SLC9C2: variants seen among roughly 807,000 people sequenced by gnomAD.
SLC9C2 encodes sodium/hydrogen exchanger 11.
SLC9C2 carries 75 observed loss-of-function variants against 140.2 expected under a neutral mutation model. The ratio of observed to expected loss-of-function variants is 0.53; its 90% CI spans 0.44 to 0.65. The LOEUF is 0.65. Ranked by LOEUF, SLC9C2 falls within the 30% of genes least tolerant of loss-of-function variation. The probability of loss-of-function intolerance (pLI) is 0.00; values close to 1 mark genes in which losing one functional copy is unlikely to be tolerated. For synonymous variants in SLC9C2, 375 were observed against 420.9 expected (o/e 0.89, Z 1.34); for missense variants, 1,074 against 1,331.8 (o/e 0.81, Z 3.01).
chr1:173,530,841 GA>G (rs1359899213), intron 17 of SLC9C2, among the ~76,000 whole-genome samples: 2 of 152,208 alleles, frequency 1.3e-5, no homozygotes, highest in African/African-American at 2.4e-5. Context: ...CAAGGGAGAA[GA>G]AAAAAGTGAA....
chr1:173,505,351 A>G lies in SLC9C2; in HGVS notation c.3226-20T>C. On this transcript the variant is annotated intron_variant, in intron 25 of 27. Transcript: ENST00000367714. ...CTGAACCTAGAGGAGAAAAGTCAAA[A>G]TTAGTCAAAAGAGCATTCTTTGATC... 1 of 1,596,248 alleles carries G rather than the reference A, an allele frequency of 6.3e-7. No individual in the cohort carries two copies. The highest frequency in any genetic ancestry group is 8.6e-7 in the Non-Finnish European group (1 of 1,164,120).
intron 4 of SLC9C2, among the ~76,000 whole-genome samples, chr1:173,588,508 T>C (rs1046590440): frequency 2.0e-5 from 3 of 152,224 alleles, no homozygotes; most frequent in Non-Finnish European, 4.4e-5. Flanking sequence ...TCCTTTTATT[T>C]CTTTATCTAT....
rs1034111601 is a variant in SLC9C2 at position 173,509,504 on chromosome 1, G to T, written c.3039+64C>A. On this transcript the variant is annotated intron_variant, in intron 24 of 27. Coordinates refer to ENST00000367714, the MANE Select transcript of SLC9C2 (RefSeq NM_178527.4). ...TATTTTTGTCTCAAAAATATGAAAT[G>T]CATTTTGTAAAAAATACAATGCATA... The T allele has an allele frequency of 9.7e-6, 13 of 1,345,174 alleles. No homozygotes were observed. The Admixed American group carries it at 2.8e-4, about 29-fold the overall frequency. The allele number at this position is 1,345,174 out of a possible 1,614,324, so 83.3% of individuals were successfully genotyped here. A position where few individuals can be genotyped will look rare whatever the true frequency, so the allele number is the denominator to read the frequency against.
At chr1:173,572,421 CAA>C (rs3052188) in intron 9 of SLC9C2, among the ~76,000 whole-genome samples, 61,680 of 151,738 alleles carry the variant, frequency 0.41, 15,476 homozygotes, top group African/African-American at 0.69. Context: ...TTAGCAGACT[CAA>C]GTTTCCATGG....
intron 27 of SLC9C2, among the ~76,000 whole-genome samples, chr1:173,502,154 T>C (rs949930963): frequency 2.7e-5 from 4 of 150,530 alleles, no homozygotes; most frequent in Non-Finnish European, 5.9e-5. Flanking sequence ...GTGCCTGTAG[T>C]CCCAGCTACT....
intron 6 of SLC9C2, 80 bp downstream of exon 6, chr1:173,583,426 A>G: frequency 1.2e-6 from 1 of 810,938 alleles, no homozygotes; most frequent in African/African-American, 1.8e-5. Flanking sequence ...TAGAGAAGGC[A>G]GCAAAGTTAA....
chr1:173,586,012 CT>C (rs1458686692), intron 5 of SLC9C2, among the ~76,000 whole-genome samples: 1 of 151,630 alleles, frequency 6.6e-6, no homozygotes, highest in African/African-American at 2.4e-5. Flanking sequence ...TACTGTACTC[CT>C]TTTTTTGAAA....
chr1:173,600,656 G>A (rs1666726416), intron 2 of SLC9C2, among the ~76,000 whole-genome samples: 1 of 152,066 alleles, frequency 6.6e-6, no homozygotes, highest in Admixed American at 6.5e-5. Flanking sequence ...TAGTCAAGGA[G>A]CATCTGTACT....
chr1:173,549,165 C>T (rs1376970061), intron 11 of SLC9C2, among the ~76,000 whole-genome samples: 1 of 152,164 alleles, frequency 6.6e-6, no homozygotes, highest in African/African-American at 2.4e-5. Flanking sequence ...TACTTACTCA[C>T]AATTCCATCT....
chr1:173,534,604 C>A lies in SLC9C2; in HGVS notation c.1854G>T (p.Leu618Phe). The A allele has an allele frequency of 6.3e-7, 1 of 1,586,450 alleles. No homozygotes were observed. The highest frequency in any genetic ancestry group is 1.2e-5 in the South Asian group (1 of 85,794). Residue 618 changes from leucine to phenylalanine, a missense_variant, in exon 16 of 28, where the codon TTG (leucine) becomes TTT (phenylalanine). Physicochemically the swap from Leu to Phe is conservative, Grantham distance 22. Transcript: ENST00000367714. Reference sequence around the variant, plus strand: ...GTATTATCATAGGATAAATATATATCAAATTTATAATCTGTCCTGTATATT... The same window carrying A: ...GTATTATCATAGGATAAATATATATAAAATTTATAATCTGTCCTGTATATT... ...EFEYTGQIIN[L>F]IYIYPMIIHL... is the part of the protein sequence containing the mutation.
chr1:173,547,437 C>T (rs774207113), intron 13 of SLC9C2, among the ~76,000 whole-genome samples: 7 of 150,366 alleles, frequency 4.7e-5, no homozygotes, highest in Non-Finnish European at 7.4e-5. Flanking sequence ...AAACATTATT[C>T]TAAGGGCCCT....
intron 22 of SLC9C2, among the ~76,000 whole-genome samples, chr1:173,521,024 G>A (rs114327930): frequency 2.1e-4 from 32 of 152,144 alleles, no homozygotes; most frequent in Non-Finnish European, 3.5e-4. Context: ...TTTAAGCCAC[G>A]CCAAGTATTG....
At chr1:173,507,826 G>T (rs1322455479) in intron 24 of SLC9C2, among the ~76,000 whole-genome samples, 1 of 152,116 alleles carries the variant, frequency 6.6e-6, no homozygotes, top group Non-Finnish European at 1.5e-5. Flanking sequence ...CCAACACCTT[G>T]ATTTCTAATT....
Position 173,600,209 on chromosome 1 carries a change from T to C in SLC9C2, c.136A>G (p.Lys46Glu), listed in dbSNP as rs765164468. 5 of 1,610,368 alleles carry C rather than the reference T, an allele frequency of 3.1e-6. No homozygotes were observed. In the South Asian group the frequency reaches 5.5e-5, roughly 18 times the overall value. The change falls in exon 3 of 28, where the codon AAG becomes GAG. Residue 46 changes from lysine to glutamate, a missense_variant. Coordinates refer to ENST00000367714, the MANE Select transcript of SLC9C2 (RefSeq NM_178527.4). ...ACTTCACAATTCTTTAAACACATCT[T>C]CAAAAGCCCTAAATGTGAAAAACAG... ...CFIVVLGGLL[K>E]MCLKNCEVIV...
intron 8 of SLC9C2, among the ~76,000 whole-genome samples, chr1:173,574,480 A>T (rs1326977459): frequency 6.7e-6 from 1 of 148,528 alleles, no homozygotes; most frequent in Non-Finnish European, 1.5e-5. Flanking sequence ...TTCAGAAGTC[A>T]TGGAATAACT....
chr1:173,521,269 A>T (rs1223317090), intron 22 of SLC9C2, 32 bp downstream of exon 22: 5 of 40,694 alleles, frequency 1.2e-4, no homozygotes, highest in African/African-American at 2.6e-4. Flanking sequence ...CATTTTAAGT[A>T]AAAAAAAAAA....
rs535297650 is a variant in SLC9C2, at chr1:173,534,122, A to G, written c.1975-325T>C. Reference sequence around the variant, plus strand: ...TCACCTTTTACACATTTATACTAATAATTAACTCACATTTTATGACAAAGA... The same window carrying G: ...TCACCTTTTACACATTTATACTAATGATTAACTCACATTTTATGACAAAGA... On this transcript the variant is annotated intron_variant, in intron 16 of 27. Coordinates refer to ENST00000367714, the MANE Select transcript of SLC9C2 (RefSeq NM_178527.4). 2.4e-4 allele frequency among the ~76,000 whole-genome samples: 37 copies of G among 152,270 alleles called. 1 individual carries two copies. The South Asian group carries it at 4.1e-3, about 17-fold the overall frequency.
chr1:173,501,026 G>A lies in SLC9C2; in HGVS notation c.*68C>T. 7.0e-7 allele frequency: 1 copy of A among 1,427,766 alleles called. No individual in the cohort carries two copies. Among genetic ancestry groups the A allele is most frequent in the Non-Finnish European group, 9.2e-7 (1 of 1,085,130 alleles). The allele number at this position is 1,427,766 out of a possible 1,614,324, so 88.4% of individuals were successfully genotyped here. On this transcript the variant is annotated 3_prime_UTR_variant, in exon 28 of 28. Coordinates refer to ENST00000367714, the MANE Select transcript of SLC9C2 (RefSeq NM_178527.4). ...GTATTTGAGCGAGGAAAGTAGTTTG[G>A]TCTTTAACCTGACTCCACACATCAT...
At chr1:173,564,787 G>C (rs918624503) in intron 9 of SLC9C2, among the ~76,000 whole-genome samples, 4 of 145,916 alleles carry the variant, frequency 2.7e-5, no homozygotes, top group African/African-American at 1.0e-4. Flanking sequence ...ACAGGCGCCT[G>C]CCACCACGCC....
Sources: gnomAD v4.1 joint callset for allele counts (sites outside exome capture counted in the v4.1 genomes callset) on GRCh38, gnomAD v4.1.1 for gene constraint, MANE v1.5 for transcripts, NCBI Gene and HGNC (gene_info 2026-07-23, HGNC 2026-07-21) for gene names.